Variants in EFCAB3 observed in about 807,000 individuals in gnomAD.
EFCAB3 encodes the protein EF-hand calcium-binding domain-containing protein 3.
In EFCAB3, 36 loss-of-function variants were observed where a neutral mutation model predicts 42.2. The ratio of observed to expected loss-of-function variants is 0.85; its 90% CI spans 0.65 to 1.13. EFCAB3 has a LOEUF of 1.13. EFCAB3 is among the 50% of genes most tolerant of loss of function. The probability of loss-of-function intolerance (pLI) is 0.00; values close to 1 mark genes in which losing one functional copy is unlikely to be tolerated. For synonymous variants in EFCAB3, 170 were observed against 172.8 expected (o/e 0.98, Z 0.13); for missense variants, 418 against 505.1 (o/e 0.83, Z 1.65).
chr17:62,379,004 T>C (rs1208720611), upstream of EFCAB3, among the ~76,000 whole-genome samples: 2 of 152,012 alleles, frequency 1.3e-5, no homozygotes, highest in Non-Finnish European at 2.9e-5. Flanking sequence ...ATTCCAGGAC[T>C]AACTTCTGTG....
intron 6 of EFCAB3, among the ~76,000 whole-genome samples, chr17:62,401,338 G>C (rs1168455084): frequency 6.6e-6 from 1 of 152,128 alleles, no homozygotes; most frequent in Non-Finnish European, 1.5e-5. Context: ...GTTGCTTTTG[G>C]TGTTTTAGAC....
upstream of EFCAB3, among the ~76,000 whole-genome samples, chr17:62,376,267 G>A (rs1403249479): frequency 1.3e-5 from 2 of 152,108 alleles, no homozygotes; most frequent in Non-Finnish European, 2.9e-5. Flanking sequence ...GAGGTCAGGG[G>A]TTAGAGACCA....
At chr17:62,414,583 TTGTGTGTGTGTGTG>T (rs4058759) in intron 9 of EFCAB3, among the ~76,000 whole-genome samples, 4 of 148,688 alleles carry the variant, frequency 2.7e-5, no homozygotes, top group African/African-American at 4.9e-5. Flanking sequence ...TTTGTTTGTT[TTGTGTGTGTGTGTG>T]TGTGTGTGTG....
At chr17:62,382,372 A>C (rs2070210397) in intron 1 of EFCAB3, among the ~76,000 whole-genome samples, 1 of 152,198 alleles carries the variant, frequency 6.6e-6, no homozygotes, top group Admixed American at 6.5e-5. Context: ...TTAAACAATC[A>C]CCACAATCAA....
intron 8 of EFCAB3, among the ~76,000 whole-genome samples, chr17:62,411,786 A>G (rs1259606773): frequency 3.5e-5 from 5 of 141,214 alleles, no homozygotes; most frequent in East Asian, 4.8e-4. Context: ...GAAAGAAAGA[A>G]AGAGAGAAAG....
intron 5 of EFCAB3, among the ~76,000 whole-genome samples, chr17:62,394,390 G>GA (rs1429160494): frequency 6.6e-6 from 1 of 152,130 alleles, no homozygotes; most frequent in Non-Finnish European, 1.5e-5. Flanking sequence ...TACTGTTCTT[G>GA]AAAAAATACC....
At chr17:62,390,770 G>A (rs1032030574) in intron 3 of EFCAB3, among the ~76,000 whole-genome samples, 1 of 152,240 alleles carries the variant, frequency 6.6e-6, no homozygotes, top group Non-Finnish European at 1.5e-5. Context: ...CACTTACAGA[G>A]CAGGTATCGT....
intron 2 of EFCAB3, among the ~76,000 whole-genome samples, chr17:62,383,379 CAGG>C (rs1261610315): frequency 1.3e-5 from 2 of 152,050 alleles, no homozygotes; most frequent in Non-Finnish European, 2.9e-5. Flanking sequence ...GAGGCTGAGG[CAGG>C]AGAATTGCTT....
In EFCAB3 at chr17:62,411,768, T is replaced by G. The variant is rs555848538; in HGVS notation, c.868-1964T>G. On this transcript the variant is annotated intron_variant, in intron 8 of 9. Coordinates refer to ENST00000305286, the MANE Select transcript of EFCAB3 (RefSeq NM_173503.4). ...GGGCCACCAAGCAACACTCTGTCTCTAAAGAAAGAAAGAAAGAAAGAGAGA... is the reference window on the plus strand; with the variant it reads ...GGGCCACCAAGCAACACTCTGTCTCGAAAGAAAGAAAGAAAGAAAGAGAGA... Among the ~76,000 whole-genome samples, 311 of 119,154 alleles carry G rather than the reference T, an allele frequency of 2.6e-3. 6 individuals are homozygous for G. Among genetic ancestry groups the G allele is most frequent in the East Asian group, 1.0e-3 (4 of 3,852 alleles). 78.2% of individuals were successfully genotyped at this position (119,154 alleles called of 152,430 possible).
intron 9 of EFCAB3, among the ~76,000 whole-genome samples, 199 bp downstream of exon 9, chr17:62,414,053 G>A (rs1377444135): frequency 6.6e-6 from 1 of 152,248 alleles, no homozygotes; most frequent in African/African-American, 2.4e-5. Flanking sequence ...TAAGTGTTAT[G>A]ATTCATCCTG....
chr17:62,382,326 G>C (rs1255349229), intron 1 of EFCAB3, among the ~76,000 whole-genome samples: 1 of 151,738 alleles, frequency 6.6e-6, no homozygotes, highest in African/African-American at 2.4e-5. Context: ...ATTATTTAAG[G>C]TGTACAACTT....
chr17:62,380,037 T>C (rs1398582061), upstream of EFCAB3, among the ~76,000 whole-genome samples: 1 of 152,262 alleles, frequency 6.6e-6, no homozygotes. Flanking sequence ...AGTCTCGCTC[T>C]GTCGCCCAGG....
At chr17:62,394,435 T>C (rs2070331944) in intron 5 of EFCAB3, among the ~76,000 whole-genome samples, 1 of 152,244 alleles carries the variant, frequency 6.6e-6, no homozygotes, top group African/African-American at 2.4e-5. Flanking sequence ...CCCTCAGTGC[T>C]AGGGCTGGAG....
At chr17:62,372,882 A>G (rs1332186293) in intron 1 of EFCAB3, among the ~76,000 whole-genome samples, 1 of 152,036 alleles carries the variant, frequency 6.6e-6, no homozygotes, top group African/African-American at 2.4e-5. Flanking sequence ...CTCCAAACCA[A>G]CTGAACTACC....
intron 6 of EFCAB3, among the ~76,000 whole-genome samples, chr17:62,400,187 A>G (rs576856061): frequency 2.0e-5 from 3 of 151,520 alleles, no homozygotes; most frequent in African/African-American, 7.2e-5. Flanking sequence ...AACCAAAGGT[A>G]AAAACTTAAT....
intron 9 of EFCAB3, among the ~76,000 whole-genome samples, chr17:62,414,769 C>T (rs986448385): frequency 2.0e-5 from 3 of 152,132 alleles, no homozygotes; most frequent in Non-Finnish European, 4.4e-5. Flanking sequence ...TCATTCCTCA[C>T]ATCTGCTAAT....
chr17:62,381,558 C>T (rs2070199167), intron 1 of EFCAB3: 2 of 163,632 alleles, frequency 1.2e-5, no homozygotes, highest in South Asian at 3.1e-4. Context: ...TGCATTGTAT[C>T]CCACCCCCAT....
chr17:62,381,193 C>T (rs929158098), intron 1 of EFCAB3, among the ~76,000 whole-genome samples: 2 of 138,130 alleles, frequency 1.4e-5, no homozygotes, highest in African/African-American at 2.7e-5. Flanking sequence ...GTTCCCCTTC[C>T]TGTGTCCGTG....
chr17:62,403,605 A>T (rs1251327607), intron 6 of EFCAB3, among the ~76,000 whole-genome samples: 1 of 152,198 alleles, frequency 6.6e-6, no homozygotes, highest in Non-Finnish European at 1.5e-5. Context: ...AAGGTCCTTC[A>T]TAATATATCC....
Sources: allele counts gnomAD v4.1 joint callset (sites outside exome capture counted in the v4.1 genomes callset), GRCh38; gene constraint gnomAD v4.1.1; transcripts MANE v1.5; gene names NCBI Gene and HGNC (gene_info 2026-07-23, HGNC 2026-07-21).